NBR1: variants seen among roughly 807,000 people sequenced by gnomAD.
NBR1 encodes next to BRCA1 gene 1 protein.
NBR1 carries 59 observed loss-of-function variants against 115.5 expected under a neutral mutation model. The observed-to-expected ratio is 0.51, with a 90% CI of 0.41 to 0.63. The LOEUF is 0.63. Among genes scored for constraint, NBR1 ranks in the 30% least tolerant of loss-of-function variants. NBR1 has a pLI of 0.00. For synonymous variants in NBR1, 373 were observed against 414.7 expected, an observed-to-expected ratio of 0.90 and a Z score of 1.22; for missense variants, 1,043 against 1,150.5, an observed-to-expected ratio of 0.91 and a Z score of 1.35.
intron 19 of NBR1, 131 bp from the exon 20 acceptor site, chr17:43,203,550 A>G (rs1465566440): frequency 1.7e-6 from 1 of 588,988 alleles, no homozygotes; most frequent in East Asian, 2.9e-5. Flanking sequence ...AATGAAAGCA[A>G]TTGTGTTCTC....
Position 43,194,624 on chromosome 17 carries a change from T to C in NBR1, c.1674+125T>C, listed in dbSNP as rs1399594897. The C allele has an allele frequency of 3.6e-6, 4 of 1,101,470 alleles. No homozygotes were observed. In the East Asian group the frequency reaches 9.6e-5, roughly 26 times the overall value. 68.2% of individuals were successfully genotyped at this position (1,101,470 alleles called of 1,614,324 possible). A position where few individuals can be genotyped will look rare whatever the true frequency, so the allele number is the denominator to read the frequency against. On this transcript the variant is annotated intron_variant, in intron 13 of 20. Coordinates refer to ENST00000590996, the MANE Select transcript of NBR1 (RefSeq NM_005899.5). ...CCCACTTTGATCTAGTCAGGTATAT[T>C]TAATGGGAAGGAGATCACCCATGGA...
rs183297456 is a variant in NBR1 at position 43,209,733 on chromosome 17, G to A, written c.2728-168G>A. 243 of 1,523,934 alleles carry A rather than the reference G, an allele frequency of 1.6e-4. 1 individual carries two copies. Among genetic ancestry groups the A allele is most frequent in the Middle Eastern group, 6.8e-4 (4 of 5,902 alleles). 94.4% of individuals were successfully genotyped at this position (1,523,934 alleles called of 1,614,324 possible). A position where few individuals can be genotyped will look rare whatever the true frequency, so the allele number is the denominator to read the frequency against. On this transcript the variant is annotated intron_variant, in intron 20 of 20. Transcript: ENST00000590996. Reference sequence around the variant, plus strand: ...AAATAGGGCCTTCCCAGTCCGAACCGTTGGTATCAAGTACACAGGAGTGCC... The same window carrying A: ...AAATAGGGCCTTCCCAGTCCGAACCATTGGTATCAAGTACACAGGAGTGCC...
chr17:43,202,193 A>AAC (rs1424819128), intron 18 of NBR1, among the ~76,000 whole-genome samples: 1 of 150,168 alleles, frequency 6.7e-6, no homozygotes, highest in African/African-American at 2.4e-5. Context: ...AAAAAAAAAA[A>AAC]AAAACTTGCC....
At chr17:43,191,300 T>C (rs561234403) in intron 9 of NBR1, 72 bp from the exon 10 acceptor site, 270 of 1,073,244 alleles carry the variant, frequency 2.5e-4, no homozygotes, top group Non-Finnish European at 3.5e-4. Flanking sequence ...TGATGGAAAT[T>C]GCAATTGGCT....
At chr17:43,174,069 C>G (rs2056445453) in intron 1 of NBR1, among the ~76,000 whole-genome samples, 3 of 151,972 alleles carry the variant, frequency 2.0e-5, no homozygotes, top group African/African-American at 7.3e-5. Context: ...ATAATGATAT[C>G]TAGACTGTTT....
intron 10 of NBR1, among the ~76,000 whole-genome samples, chr17:43,191,922 G>A (rs946212282): frequency 5.3e-5 from 8 of 150,972 alleles, no homozygotes; most frequent in African/African-American, 1.2e-4. Context: ...GGGTTTCACC[G>A]TGTTAGCCAG....
rs2057392121 is a variant in NBR1 at position 43,210,111 on chromosome 17, G to A, written c.*37G>A. ...GTATTAAATAACTGCCTGCTGCTCA[G>A]AGATGATCTTTATTCTGTCATTGGG... On this transcript the variant is annotated 3_prime_UTR_variant, in exon 21 of 21. Transcript: ENST00000590996. 12 of 1,575,662 alleles carry A rather than the reference G, an allele frequency of 7.6e-6. No homozygotes were observed. Among genetic ancestry groups the A allele is most frequent in the Non-Finnish European group, 1.0e-5 (12 of 1,158,678 alleles).
rs2056896370 is a variant in NBR1 at position 43,189,642 on chromosome 17, G to A, written c.535G>A (p.Glu179Lys). ...TVEKLEQKLH[E>K]KLVLQNPSLG... ...TGAGAAGCTTGAACAGAAATTACAT[G>A]AAAAGCTTGTCCTCCAGAACCCATC... Residue 179 changes from glutamate to lysine, a missense_variant, in exon 8 of 21, where the codon GAA becomes AAA. Physicochemically the swap from Glu to Lys is moderately conservative, Grantham distance 56. Coordinates refer to ENST00000590996, the MANE Select transcript of NBR1 (RefSeq NM_005899.5). 1 of 1,613,882 alleles carries A rather than the reference G, an allele frequency of 6.2e-7. No individual in the cohort carries two copies. Among genetic ancestry groups the A allele is most frequent in the African/African-American group, 1.3e-5 (1 of 74,912 alleles).
At chr17:43,171,952 A>T (rs1157966693) in intron 1 of NBR1, among the ~76,000 whole-genome samples, 1 of 152,146 alleles carries the variant, frequency 6.6e-6, no homozygotes, top group Non-Finnish European at 1.5e-5. Context: ...CTCAGGTCAC[A>T]CATTTTAAAG....
At chr17:43,180,394 C>T (rs1432288028) in intron 4 of NBR1, among the ~76,000 whole-genome samples, 1 of 152,104 alleles carries the variant, frequency 6.6e-6, no homozygotes, top group Admixed American at 6.6e-5. Flanking sequence ...CATATCTAAA[C>T]ATAGAAAAGG....
Position 43,200,436 on chromosome 17 carries a change from G to A in NBR1, c.2296G>A (p.Gly766Ser). ...SQPGLERGAE[G>S]KPGVEAGQEP... ...GCCAGGCCTGGAGCGAGGTGCTGAA[G>A]GCAAGCCTGGGGTTGAGGCTGGGCA... The change falls in exon 17 of 21, where the codon GGC (glycine) becomes AGC (serine). Residue 766 changes from glycine (G) to serine (S), a missense_variant. By Grantham distance (56) the Gly-to-Ser change is moderately conservative (BLOSUM62 0). Coordinates refer to ENST00000590996, the MANE Select transcript of NBR1 (RefSeq NM_005899.5). The A allele has an allele frequency of 6.2e-7, 1 of 1,612,440 alleles. No individual in the cohort carries two copies. Among genetic ancestry groups the A allele is most frequent in the Non-Finnish European group, 8.5e-7 (1 of 1,179,198 alleles).
intron 18 of NBR1, 129 bp from the exon 19 acceptor site, chr17:43,202,522 TTAAA>T (rs2154582386): frequency 1.3e-5 from 7 of 535,330 alleles, no homozygotes; most frequent in South Asian, 5.6e-5. Flanking sequence ...CCCAAATACT[TTAAA>T]AAAAAAAAAA....
intron 16 of NBR1, among the ~76,000 whole-genome samples, chr17:43,198,781 G>A (rs2057126004): frequency 6.6e-6 from 1 of 152,084 alleles, no homozygotes; most frequent in Non-Finnish European, 1.5e-5. Context: ...CTAACACGGT[G>A]AAACCCCATC....
At chr17:43,206,161 G>C (rs1236010976) in intron 20 of NBR1, among the ~76,000 whole-genome samples, 4 of 149,838 alleles carry the variant, frequency 2.7e-5, no homozygotes, top group African/African-American at 7.4e-5. Context: ...GGGTGACAGA[G>C]CGAGACTCTG....
chr17:43,171,471 C>G (rs1436001685), intron 1 of NBR1, among the ~76,000 whole-genome samples, 169 bp downstream of exon 1: 1 of 152,162 alleles, frequency 6.6e-6, no homozygotes, highest in Non-Finnish European at 1.5e-5. Context: ...TCAGAGGGAC[C>G]GAGTTGGCGA....
At chr17:43,183,833 T>C (rs181762701) in intron 5 of NBR1, among the ~76,000 whole-genome samples, 2 of 152,210 alleles carry the variant, frequency 1.3e-5, no homozygotes, top group Admixed American at 1.3e-4. Flanking sequence ...CTGTTTTTTG[T>C]ATTTTTAGTA....
At chr17:43,202,456 CTTGCA>C (rs1007333697) in intron 18 of NBR1, among the ~76,000 whole-genome samples, 194 bp from the exon 19 acceptor site, 9 of 151,476 alleles carry the variant, frequency 5.9e-5, no homozygotes, top group Non-Finnish European at 1.3e-4. Flanking sequence ...AAACAATCAT[CTTGCA>C]TTGCATTTCT....
At chr17:43,198,344 TCTTA>T (rs1303819648) in intron 16 of NBR1, among the ~76,000 whole-genome samples, 1 of 152,066 alleles carries the variant, frequency 6.6e-6, no homozygotes, top group African/African-American at 2.4e-5. Context: ...ATATTATTTA[TCTTA>T]CTTTTGTTTA....
At position 43,186,357 on chromosome 17, in the gene NBR1, G is replaced by A. The variant is rs1247048095; in HGVS notation, c.315G>A (p.Arg105=). The change falls in exon 6 of 21, where the codon AGG becomes AGA. Residue 105 remains arginine (R), a synonymous_variant. Transcript: ENST00000590996. The part of the protein sequence containing the change: ...PVVGAKRLAA[R]AGKKPLAHYS... The stretch of plus-strand genomic sequence containing the variant: ...TAGGAGCAAAACGACTAGCTGCCAG[G>A]GCAGGGAAGAAGCCACTTGCACATT... The A allele has an allele frequency of 1.9e-6, 3 of 1,601,442 alleles. No individual in the cohort carries two copies. The highest frequency in any genetic ancestry group is 2.3e-5 in the South Asian group (2 of 88,520).
Sources: allele counts gnomAD v4.1 joint callset (sites outside exome capture counted in the v4.1 genomes callset), GRCh38; gene constraint gnomAD v4.1.1; transcripts MANE v1.5; gene names NCBI Gene and HGNC (gene_info 2026-07-23, HGNC 2026-07-21).